The following PAK5 variants were observed in gnomAD, a reference collection of about 807,000 sequenced individuals.
The protein encoded by PAK5 is p21 (RAC1) activated kinase 5.
PAK5 carries 16 observed loss-of-function variants against 65.9 expected under a neutral mutation model. That is an observed-to-expected ratio of 0.24 (90% CI 0.16 to 0.37). The LOEUF (loss-of-function observed/expected upper bound fraction) is 0.37, where lower values mean the gene tolerates loss of function less well. Ranked by LOEUF, PAK5 falls within the 10% of genes least tolerant of loss-of-function variation. The probability of loss-of-function intolerance (pLI) is 1.00; values close to 1 mark genes in which losing one functional copy is unlikely to be tolerated. For synonymous variants in PAK5, 371 were observed against 354.9 expected (o/e 1.05, Z -0.51); for missense variants, 785 against 903.9 (o/e 0.87, Z 1.69).
At chr20:9,543,581 C>T (rs1326835202) in intron 8 of PAK5, among the ~76,000 whole-genome samples, 1 of 152,150 alleles carries the variant, frequency 6.6e-6, no homozygotes, top group Non-Finnish European at 1.5e-5. Flanking sequence ...TTAACTTATG[C>T]TGATGTCCTT....
At chr20:9,767,417 C>T (rs1319112293) in intron 1 of PAK5, among the ~76,000 whole-genome samples, 1 of 152,172 alleles carries the variant, frequency 6.6e-6, no homozygotes, top group Admixed American at 6.5e-5. Context: ...GAGTTCCTCA[C>T]CCAGCCACAT....
intron 2 of PAK5, among the ~76,000 whole-genome samples, chr20:9,704,453 C>G (rs192658158): frequency 3.4e-4 from 52 of 152,228 alleles, no homozygotes; most frequent in Non-Finnish European, 5.7e-4. Context: ...AAGCCATTTC[C>G]CAATTTACTG....
rs770875912 is a variant in PAK5, at chr20:9,580,228, C to A, written c.907G>T (p.Ala303Ser). Residue 303 changes from alanine (A) to serine (S), a missense_variant, in exon 4 of 10, where the codon GCA becomes TCA. By Grantham distance (99) the Ala-to-Ser change is moderately conservative. Coordinates refer to ENST00000353224, the MANE Select transcript of PAK5 (RefSeq NM_177990.4). ...TGTCCTTGGGGATGGGTTTTAAATG[C>A]ACTTGCTCCAAATGGCATCATCGGT... ...QEPMMPFGASAFKTHPQGHSY... is the reference protein window; with the variant it reads ...QEPMMPFGASSFKTHPQGHSY... The A allele has an allele frequency of 5.0e-6, 8 of 1,614,098 alleles. No homozygotes were observed. The highest frequency in any genetic ancestry group is 6.8e-6 in the Non-Finnish European group (8 of 1,179,994).
At chr20:9,569,095 T>A (rs905737145) in intron 4 of PAK5, among the ~76,000 whole-genome samples, 3 of 152,218 alleles carry the variant, frequency 2.0e-5, no homozygotes, top group African/African-American at 4.8e-5. Flanking sequence ...ACAGAAACTG[T>A]GAAATAGTAA....
At chr20:9,740,224 G>A (rs558147760) in intron 1 of PAK5, among the ~76,000 whole-genome samples, 3 of 152,202 alleles carry the variant, frequency 2.0e-5, no homozygotes, top group African/African-American at 4.8e-5. Flanking sequence ...CAAGGTGCTC[G>A]CACAACCGAA....
chr20:9,751,799 T>G (rs1442168717), intron 1 of PAK5, among the ~76,000 whole-genome samples: 1 of 152,176 alleles, frequency 6.6e-6, no homozygotes, highest in African/African-American at 2.4e-5. Context: ...TATGAAAATA[T>G]GGAAATAAAA....
chr20:9,637,283 G>GAGTGGCCTCCCAGAGT (rs2046994673), intron 3 of PAK5, among the ~76,000 whole-genome samples: 1 of 152,134 alleles, frequency 6.6e-6, no homozygotes, highest in Non-Finnish European at 1.5e-5. Flanking sequence ...CTGGATTACA[G>GAGTGGCCTCCCAGAGT]GCATGTGCCC....
At chr20:9,805,545 A>G (rs946881793) in intron 1 of PAK5, among the ~76,000 whole-genome samples, 1 of 152,172 alleles carries the variant, frequency 6.6e-6, no homozygotes, top group African/African-American at 2.4e-5. Context: ...CCACCATAAA[A>G]AGGAACAAAA....
At chr20:9,724,058 C>G (rs142044713) in intron 1 of PAK5, among the ~76,000 whole-genome samples, 1 of 152,138 alleles carries the variant, frequency 6.6e-6, no homozygotes, top group Admixed American at 6.5e-5. Context: ...AGATTGCTTG[C>G]GCATTACAAA....
chr20:9,580,710 G>T lies in PAK5; in HGVS notation c.425C>A (p.Thr142Lys). ...SSESDTTADY[T>K]TEKYREKSLY... ...ACTCTTCTCCCTGTACTTTTCGGTC[G>T]TGTAGTCAGCAGTAGTATCGGATTC... Residue 142 changes from threonine (T) to lysine (K), a missense_variant, in exon 4 of 10, where the codon ACG (threonine) becomes AAG (lysine). Thr to Lys is a moderately conservative substitution (Grantham distance 78). Transcript: ENST00000353224. 6.2e-7 allele frequency: 1 copy of T among 1,613,892 alleles called. No homozygotes were observed. Among genetic ancestry groups the T allele is most frequent in the Non-Finnish European group, 8.5e-7 (1 of 1,179,914 alleles).
intron 1 of PAK5, among the ~76,000 whole-genome samples, chr20:9,778,584 T>C (rs747402641): frequency 3.3e-5 from 5 of 152,116 alleles, no homozygotes; most frequent in Admixed American, 6.5e-5. Flanking sequence ...TAACCTAACT[T>C]TTATGGTGGT....
At chr20:9,830,979 C>T (rs1027044814) in intron 1 of PAK5, among the ~76,000 whole-genome samples, 14 of 152,182 alleles carry the variant, frequency 9.2e-5, no homozygotes, top group African/African-American at 3.4e-4. Context: ...CATCACATCT[C>T]TTGTGTTTCT....
intron 1 of PAK5, among the ~76,000 whole-genome samples, chr20:9,738,138 T>C (rs199619271): frequency 6.6e-6 from 1 of 151,388 alleles, no homozygotes; most frequent in East Asian, 1.9e-4. Context: ...TGAGACTCGG[T>C]CTCAAAAACA....
chr20:9,772,638 T>C (rs1291149924), intron 1 of PAK5, among the ~76,000 whole-genome samples: 1 of 152,244 alleles, frequency 6.6e-6, no homozygotes, highest in Non-Finnish European at 1.5e-5. Flanking sequence ...AGAATATTAA[T>C]AGATCAGCAT....
intron 1 of PAK5, among the ~76,000 whole-genome samples, chr20:9,725,520 C>A (rs570187769): frequency 6.6e-6 from 1 of 152,016 alleles, no homozygotes; most frequent in South Asian, 2.1e-4. Context: ...AAGCCCCTTA[C>A]GGCAAAAGAA....
At chr20:9,837,429 T>C (rs980526876) in intron 1 of PAK5, among the ~76,000 whole-genome samples, 5 of 152,234 alleles carry the variant, frequency 3.3e-5, no homozygotes. Context: ...TGCCCATCCT[T>C]TAAATTATAA....
chr20:9,762,287 C>T (rs2048708643), intron 1 of PAK5, among the ~76,000 whole-genome samples: 1 of 152,100 alleles, frequency 6.6e-6, no homozygotes, highest in Non-Finnish European at 1.5e-5. Flanking sequence ...TAAAATGCTT[C>T]TGCATAGCAA....
chr20:9,750,725 C>A, intron 1 of PAK5, among the ~76,000 whole-genome samples: 1 of 152,078 alleles, frequency 6.6e-6, no homozygotes, highest in East Asian at 1.9e-4. Context: ...GACTAGAATT[C>A]CACCCCAACC....
intron 2 of PAK5, among the ~76,000 whole-genome samples, chr20:9,684,741 T>C (rs1198990338): frequency 6.6e-6 from 1 of 152,236 alleles, no homozygotes; most frequent in Non-Finnish European, 1.5e-5. Flanking sequence ...GGCATTAGTA[T>C]TTTTAAGCCT....
Sources: allele counts gnomAD v4.1 joint callset (sites outside exome capture counted in the v4.1 genomes callset), GRCh38; gene constraint gnomAD v4.1.1; transcripts MANE v1.5; gene names NCBI Gene and HGNC (gene_info 2026-07-23, HGNC 2026-07-21).